The following ZBTB41 variants were observed in gnomAD, a reference collection of about 807,000 sequenced individuals.
The protein encoded by ZBTB41 is zinc finger and BTB domain containing 41.
In ZBTB41, 42 loss-of-function variants were observed where a neutral mutation model predicts 87.6. The ratio of observed to expected loss-of-function variants is 0.48; its 90% CI spans 0.37 to 0.62. The LOEUF is 0.62. ZBTB41 is among the 20% of genes least tolerant of loss of function. The pLI is 0.00. For synonymous variants in ZBTB41, 364 were observed against 364.0 expected, an observed-to-expected ratio of 1.00 and a Z score of 0.00; for missense variants, 799 against 1,078.9, an observed-to-expected ratio of 0.74 and a Z score of 3.63.
At position 197,156,590 on chromosome 1, in the gene ZBTB41, AAAG is replaced by A; in HGVS notation, c.*2766_*2768del. 6.6e-6 allele frequency: 1 copy of A among 152,400 alleles called. No individual in the cohort carries two copies. Among genetic ancestry groups the A allele is most frequent in the African/African-American group, 2.4e-5 (1 of 41,546 alleles). The allele number at this position is 152,400 out of a possible 1,614,324, so 9.4% of individuals were successfully genotyped here. ...TCAAATATTACAAAAGGTCAACTGA[AAAG>A]AATAGGCCTCCTTTTATACTTTTTG... On this transcript the variant is annotated 3_prime_UTR_variant, in exon 11 of 11. Coordinates refer to ENST00000367405, the MANE Select transcript of ZBTB41 (RefSeq NM_194314.3).
intron 10 of ZBTB41, among the ~76,000 whole-genome samples, chr1:197,162,325 A>G (rs1475569050): frequency 6.6e-6 from 1 of 152,206 alleles, no homozygotes; most frequent in Admixed American, 6.5e-5. Flanking sequence ...TGGTAAAATT[A>G]TGTATTTAAC....
In ZBTB41 at chr1:197,159,277, T is replaced by G. The variant is rs1571642546; in HGVS notation, c.*82A>C. ...TGAGAAACTAGAGAAAACAAGAAAA[T>G]AGCAGCCCCACAAATTTAAAAGCTA... On this transcript the variant is annotated 3_prime_UTR_variant, in exon 11 of 11. Transcript: ENST00000367405. 7 of 1,380,470 alleles carry G rather than the reference T, an allele frequency of 5.1e-6. No homozygotes were observed. The East Asian group carries it at 1.6e-4, about 32-fold the overall frequency. 85.5% of individuals were successfully genotyped at this position (1,380,470 alleles called of 1,614,324 possible). A position where few individuals can be genotyped will look rare whatever the true frequency, so the allele number is the denominator to read the frequency against.
intron 10 of ZBTB41, among the ~76,000 whole-genome samples, chr1:197,164,972 A>ATG (rs1206963321): frequency 9.6e-5 from 10 of 104,046 alleles, no homozygotes; most frequent in African/African-American, 2.9e-4. Context: ...TATATTATAT[A>ATG]TATTATATAT....
At chr1:197,184,110 T>A (rs975106636) in intron 5 of ZBTB41, among the ~76,000 whole-genome samples, 7 of 152,180 alleles carry the variant, frequency 4.6e-5, no homozygotes, top group Non-Finnish European at 1.0e-4. Flanking sequence ...AGTGCACCAA[T>A]TCTCCAATAA....
chr1:197,196,742 G>A (rs559304727), intron 2 of ZBTB41, among the ~76,000 whole-genome samples: 1 of 152,220 alleles, frequency 6.6e-6, no homozygotes, highest in Admixed American at 6.5e-5. Flanking sequence ...TTCATCTCCT[G>A]TTATTTTCAC....
intron 9 of ZBTB41, among the ~76,000 whole-genome samples, chr1:197,172,670 C>A (rs894693501): frequency 5.9e-5 from 9 of 151,934 alleles, no homozygotes; most frequent in Non-Finnish European, 7.4e-5. Context: ...TGAAACTATT[C>A]CATATCTTAA....
rs372044574 is a variant in ZBTB41, at chr1:197,182,996, G to A, written c.1547-1879C>T. ...TTCAAGGGAACAGAAACATAGAGAC[G>A]GAATGCAAAAGAAGCTCTCTCTATA... is the stretch of plus-strand genomic sequence containing the variant. On this transcript the variant is annotated intron_variant, in intron 5 of 10. Coordinates refer to ENST00000367405, the MANE Select transcript of ZBTB41 (RefSeq NM_194314.3). Among the ~76,000 whole-genome samples the A allele has an allele frequency of 2.6e-4, 40 of 152,000 alleles. 1 individual carries two copies. In the South Asian group the frequency reaches 6.6e-3, roughly 25 times the overall value.
At position 197,158,074 on chromosome 1, in the gene ZBTB41, T is replaced by C. The variant is rs938083958; in HGVS notation, c.*1285A>G. 1 of 152,404 alleles carries C rather than the reference T, an allele frequency of 6.6e-6. No homozygotes were observed. Among genetic ancestry groups the C allele is most frequent in the African/African-American group, 2.4e-5 (1 of 41,436 alleles). 9.4% of individuals were successfully genotyped at this position (152,404 alleles called of 1,614,324 possible). On this transcript the variant is annotated 3_prime_UTR_variant, in exon 11 of 11. Transcript: ENST00000367405. ...CTCTACTAGGAAACATTATCTTAGT[T>C]TTTAGTTAAAATTGACTTGAAAATA...
chr1:197,165,466 C>G (rs1034463798), intron 10 of ZBTB41, among the ~76,000 whole-genome samples: 1 of 151,770 alleles, frequency 6.6e-6, no homozygotes, highest in East Asian at 1.9e-4. Flanking sequence ...AAAAATTAGC[C>G]GGGCATGGTG....
At chr1:197,189,282 T>C (rs1438812866) in intron 4 of ZBTB41, among the ~76,000 whole-genome samples, 1 of 152,072 alleles carries the variant, frequency 6.6e-6, no homozygotes, top group Non-Finnish European at 1.5e-5. Flanking sequence ...GGGAAGCACT[T>C]TGGGAGGCCG....
intron 5 of ZBTB41, among the ~76,000 whole-genome samples, chr1:197,187,162 A>C (rs1409978350): frequency 6.6e-6 from 1 of 152,220 alleles, no homozygotes; most frequent in African/African-American, 2.4e-5. Context: ...CAAACTAATT[A>C]TACTCTTACC....
intron 10 of ZBTB41, among the ~76,000 whole-genome samples, chr1:197,164,746 T>A (rs1183508634): frequency 1.1e-5 from 1 of 92,934 alleles, no homozygotes; most frequent in African/African-American, 3.8e-5. Context: ...ATCTAATATA[T>A]TATATATATT....
chr1:197,198,156 T>C (rs1660214569), intron 2 of ZBTB41, among the ~76,000 whole-genome samples: 1 of 152,216 alleles, frequency 6.6e-6, no homozygotes, highest in African/African-American at 2.4e-5. Flanking sequence ...ACAACTTACT[T>C]GTATACATAT....
At chr1:197,164,771 TCTA>T (rs1659278716) in intron 10 of ZBTB41, among the ~76,000 whole-genome samples, 2 of 114,440 alleles carry the variant, frequency 1.7e-5, no homozygotes, top group African/African-American at 7.8e-5. Flanking sequence ...ATAATACATA[TCTA>T]ATATATTATA....
Position 197,187,866 on chromosome 1 carries a change from T to A in ZBTB41, c.1546+426A>T, listed in dbSNP as rs569651481. Among the ~76,000 whole-genome samples the A allele has an allele frequency of 9.2e-5, 14 of 151,906 alleles. No homozygotes were observed. In the East Asian group the frequency reaches 2.7e-3, roughly 29 times the overall value. ...TACAAAGGTCAGTGGTTGCCAGGGG[T>A]TGGTGTGGGAGACAGATGGAGAAGC... On this transcript the variant is annotated intron_variant, in intron 5 of 10. Coordinates refer to ENST00000367405, the MANE Select transcript of ZBTB41 (RefSeq NM_194314.3).
At chr1:197,197,582 A>AAGGAGGGAGGGAGGGAGGGG in intron 2 of ZBTB41, among the ~76,000 whole-genome samples, 1 of 142,546 alleles carries the variant, frequency 7.0e-6, no homozygotes, top group South Asian at 2.5e-4. Flanking sequence ...GGAGGGAGGG[A>AAGGAGGGAGGGAGGGAGGGG]GCGAGGGAGG....
intron 5 of ZBTB41, among the ~76,000 whole-genome samples, chr1:197,186,108 T>C (rs1452992315): frequency 2.6e-5 from 4 of 151,912 alleles, no homozygotes; most frequent in Non-Finnish European, 5.9e-5. Flanking sequence ...AGTGTAGTAT[T>C]GGCAAAAATA....
Position 197,199,522 on chromosome 1 carries a change from A to C in ZBTB41, c.952T>G (p.Ser318Ala). The change falls in exon 2 of 11, where the codon TCT becomes GCT. Residue 318 changes from serine to alanine, a missense_variant. By Grantham distance (99) the Ser-to-Ala change is moderately conservative. This residue lies in a region of ZBTB41 where 294 missense variants were observed against 340.1 expected (regional missense o/e 0.86). Transcript: ENST00000367405. ...ELEEEMSDEYSDIEEQSEKDH... is the reference protein window; with the variant it reads ...ELEEEMSDEYADIEEQSEKDH... ...TTTTCACTTTGTTCTTCAATGTCAGAGTACTCATCTGACATCTCCTCCTCT... is the reference window on the plus strand; with the variant it reads ...TTTTCACTTTGTTCTTCAATGTCAGCGTACTCATCTGACATCTCCTCCTCT... The C allele has an allele frequency of 1.9e-6, 3 of 1,611,426 alleles. No individual in the cohort carries two copies. The South Asian group carries it at 3.3e-5, about 18-fold the overall frequency.
chr1:197,191,980 A>G, intron 2 of ZBTB41, 81 bp from the exon 3 acceptor site: 3 of 1,196,988 alleles, frequency 2.5e-6, no homozygotes, highest in Admixed American at 2.9e-5. Context: ...ATAAAACCTC[A>G]TGATTTAGCA....
Sources: allele counts gnomAD v4.1 joint callset (sites outside exome capture counted in the v4.1 genomes callset), GRCh38; gene constraint gnomAD v4.1.1; regional missense constraint gnomAD v4.1.1; transcripts MANE v1.5; gene names NCBI Gene and HGNC (gene_info 2026-07-23, HGNC 2026-07-21).